CLEC5A: variants seen among roughly 807,000 people sequenced by gnomAD.
CLEC5A encodes C-type lectin domain containing 5A.
A neutral mutation model predicts 24.4 loss-of-function variants in CLEC5A; 15 were observed. The ratio of observed to expected loss-of-function variants is 0.62; its 90% CI spans 0.41 to 0.95. The LOEUF (loss-of-function observed/expected upper bound fraction) is 0.95, where lower values mean the gene tolerates loss of function less well. CLEC5A is among the 40% of genes least tolerant of loss of function. CLEC5A has a pLI of 0.00. For missense variants in CLEC5A, 211 were observed against 224.0 expected (o/e 0.94, Z 0.37); for synonymous variants, 71 against 72.6 (o/e 0.98, Z 0.11).
intron 6 of CLEC5A, 79 bp from the exon 7 acceptor site, chr7:141,930,297 C>T: frequency 9.2e-7 from 1 of 1,082,130 alleles, no homozygotes; most frequent in Non-Finnish European, 1.4e-6. Flanking sequence ...TTAGCCCAGC[C>T]TCTTCCTGAT....
intron 4 of CLEC5A, among the ~76,000 whole-genome samples, chr7:141,940,122 C>G (rs1248494421): frequency 2.6e-5 from 4 of 152,092 alleles, no homozygotes; most frequent in African/African-American, 9.7e-5. Context: ...TATTCATCAG[C>G]TACAGAATAC....
rs561776477 is a variant in CLEC5A at position 141,936,617 on chromosome 7, G to T, written c.209-667C>A. Among the ~76,000 whole-genome samples, 18 of 152,228 alleles carry T rather than the reference G, an allele frequency of 1.2e-4. 1 individual carries two copies. The South Asian group carries it at 3.5e-3, about 30-fold the overall frequency. ...TTTGGGGCCCTAAATAAACTTGAAG[G>T]GTAGTCTAGGCCACAAGGACTGCAA... On this transcript the variant is annotated intron_variant, in intron 4 of 6. Transcript: ENST00000546910.
chr7:141,946,133 C>A, intron 2 of CLEC5A, 81 bp downstream of exon 2: 2 of 1,454,624 alleles, frequency 1.4e-6, no homozygotes, highest in Non-Finnish European at 1.9e-6. Flanking sequence ...GTAACCTTTA[C>A]ACACAACCAT....
In CLEC5A at chr7:141,930,117, T is replaced by G; in HGVS notation, c.554A>C (p.Lys185Thr). ...AGGGAACTGTGATCATTTGGCATTC[T>G]TCTCACAGATCCTGCGGTAGCTGAT... ...CDISYRRICE[K>T]NAK Residue 185 changes from lysine (K) to threonine (T), a missense_variant, in exon 7 of 7, where the codon AAG becomes ACG. By Grantham distance (78) the Lys-to-Thr change is moderately conservative. Coordinates refer to ENST00000546910, the MANE Select transcript of CLEC5A (RefSeq NM_013252.3). 1 of 1,613,820 alleles carries G rather than the reference T, an allele frequency of 6.2e-7. No individual in the cohort carries two copies. The highest frequency in any genetic ancestry group is 8.5e-7 in the Non-Finnish European group (1 of 1,179,708).
intron 6 of CLEC5A, among the ~76,000 whole-genome samples, chr7:141,930,664 G>A (rs1802432714): frequency 6.6e-6 from 1 of 152,174 alleles, no homozygotes; most frequent in African/African-American, 2.4e-5. Flanking sequence ...AAACTTGGTG[G>A]AGGTATTTGT....
intron 4 of CLEC5A, among the ~76,000 whole-genome samples, chr7:141,939,789 C>T (rs1285946): frequency 0.89 from 134,785 of 152,074 alleles, 60,717 homozygotes; most frequent in Non-Finnish European, 0.97. Context: ...AGTAGCTATA[C>T]TTATTTCAGA....
At chr7:141,933,596 ATATATAT>A in intron 5 of CLEC5A, among the ~76,000 whole-genome samples, 1 of 83,014 alleles carries the variant, frequency 1.2e-5, no homozygotes, top group Non-Finnish European at 2.9e-5. Context: ...ATATATATAT[ATATATAT>A]ATATATATAT....
rs1554439722 is a variant in CLEC5A at position 141,927,777 on chromosome 7, G to A, written c.*2327C>T. 6.6e-6 allele frequency: 1 copy of A among 152,178 alleles called. No homozygotes were observed. The allele number at this position is 152,178 out of a possible 1,614,324, so 9.4% of individuals were successfully genotyped here. ...TAAACAAGTTCTGAAAAATGAAGTGGCTTGCCTACATTAAGCTTCTAGCAA... is the reference window on the plus strand; with the variant it reads ...TAAACAAGTTCTGAAAAATGAAGTGACTTGCCTACATTAAGCTTCTAGCAA... On this transcript the variant is annotated 3_prime_UTR_variant, in exon 7 of 7. Transcript: ENST00000546910.
At chr7:141,944,236 GA>G (rs1802885824) in intron 3 of CLEC5A, among the ~76,000 whole-genome samples, 2 of 152,076 alleles carry the variant, frequency 1.3e-5, no homozygotes, top group Non-Finnish European at 2.9e-5. Context: ...CAGAAGAAAG[GA>G]AAAGTAATGG....
At chr7:141,943,105 T>C (rs2128962462) in intron 4 of CLEC5A, among the ~76,000 whole-genome samples, 2 of 152,256 alleles carry the variant, frequency 1.3e-5, no homozygotes, top group Admixed American at 1.3e-4. Context: ...ATCAGTATAT[T>C]GAAGAGACAT....
In CLEC5A at chr7:141,928,450, C is replaced by T. The variant is rs1336094522; in HGVS notation, c.*1654G>A. 6.6e-6 allele frequency: 1 copy of T among 152,268 alleles called. No homozygotes were observed. The highest frequency in any genetic ancestry group is 2.4e-5 in the African/African-American group (1 of 41,450). 9.4% of individuals were successfully genotyped at this position (152,268 alleles called of 1,614,324 possible). On this transcript the variant is annotated 3_prime_UTR_variant, in exon 7 of 7. Transcript: ENST00000546910. Reference sequence around the variant, plus strand: ...AGAGTTCTGTTGATATTTTTCTCCACCTAGACTCAGCCTTTCTTCCCTTCT... The same window carrying T: ...AGAGTTCTGTTGATATTTTTCTCCATCTAGACTCAGCCTTTCTTCCCTTCT...
At chr7:141,937,273 C>T (rs1009884485) in intron 4 of CLEC5A, among the ~76,000 whole-genome samples, 6 of 151,898 alleles carry the variant, frequency 4.0e-5, no homozygotes, top group Non-Finnish European at 8.8e-5. Flanking sequence ...CTGGACCTGC[C>T]CTGAGCCAGA....
intron 6 of CLEC5A, among the ~76,000 whole-genome samples, chr7:141,930,433 C>T (rs75385914): frequency 1.2e-3 from 180 of 152,294 alleles, no homozygotes; most frequent in African/African-American, 4.0e-3. Flanking sequence ...TCCGCAAATG[C>T]AGCTCTAAAC....
chr7:141,942,858 A>G (rs782807285), intron 4 of CLEC5A, among the ~76,000 whole-genome samples: 2 of 152,222 alleles, frequency 1.3e-5, no homozygotes, highest in Non-Finnish European at 2.9e-5. Flanking sequence ...ATAGAATTTC[A>G]AATCAAAACT....
Position 141,943,927 on chromosome 7 carries a change from GT to G in CLEC5A, c.176del (p.Asn59ThrfsTer57), listed in dbSNP as rs782016105. 1 of 1,611,078 alleles carries G rather than the reference GT, an allele frequency of 6.2e-7. No homozygotes were observed. Among genetic ancestry groups the G allele is most frequent in the East Asian group, 2.2e-5 (1 of 44,820 alleles). On this transcript the variant is annotated frameshift_variant, in exon 4 of 7. Coordinates refer to ENST00000546910, the MANE Select transcript of CLEC5A (RefSeq NM_013252.3). LOFTEE classifies it high-confidence loss of function. ...CATAGCTCCTTGTGGTAATGAAGCCGTTGGGACTTGGGGAACTGCTCCCAAA... is the reference window on the plus strand; with the variant it reads ...CATAGCTCCTTGTGGTAATGAAGCCGTGGGACTTGGGGAACTGCTCCCAAA... Reference protein sequence around the residue: ...QIFGSSSPSPNGFITTRSYGT... With the variant: ...QIFGSSSPSPXGFITTRSYGT...
chr7:141,930,713 C>T (rs12113071), intron 6 of CLEC5A, among the ~76,000 whole-genome samples: 2,231 of 152,298 alleles, frequency 0.015, 56 homozygotes, highest in African/African-American at 0.05. Flanking sequence ...CAGTCTGTTT[C>T]AGTCTGACTG....
Position 141,931,830 on chromosome 7 carries a change from G to A in CLEC5A, c.346-4C>T. On this transcript the variant is annotated splice_polypyrimidine_tract_variant and splice_region_variant and intron_variant, in intron 5 of 6. Coordinates refer to ENST00000546910, the MANE Select transcript of CLEC5A (RefSeq NM_013252.3). Reference sequence around the variant, plus strand: ...CAGTTATGTCCTGAAGAAACTTCTGGAAATAAAAAAAAAATTTTACCAGTG... The same window carrying A: ...CAGTTATGTCCTGAAGAAACTTCTGAAAATAAAAAAAAAATTTTACCAGTG... The A allele has an allele frequency of 1.4e-6, 2 of 1,466,766 alleles. No individual in the cohort carries two copies. Among genetic ancestry groups the A allele is most frequent in the Admixed American group, 3.9e-5 (2 of 50,764 alleles). 90.9% of individuals were successfully genotyped at this position (1,466,766 alleles called of 1,614,324 possible). A position where few individuals can be genotyped will look rare whatever the true frequency, so the allele number is the denominator to read the frequency against.
At chr7:141,937,420 A>T (rs564532415) in intron 4 of CLEC5A, among the ~76,000 whole-genome samples, 1 of 152,292 alleles carries the variant, frequency 6.6e-6, no homozygotes, top group South Asian at 2.1e-4. Context: ...GGTAGTGGTC[A>T]TAGGGTGAAG....
chr7:141,943,505 C>G (rs1272788130), intron 4 of CLEC5A, among the ~76,000 whole-genome samples: 1 of 151,796 alleles, frequency 6.6e-6, no homozygotes, highest in Non-Finnish European at 1.5e-5. Flanking sequence ...TAAATAAGAT[C>G]TAGTATTTGC....
Sources: gnomAD v4.1 joint callset for allele counts (sites outside exome capture counted in the v4.1 genomes callset) on GRCh38, gnomAD v4.1.1 for gene constraint, MANE v1.5 for transcripts, NCBI Gene and HGNC (gene_info 2026-07-23, HGNC 2026-07-21) for gene names.